Variants in ZNF566 observed in about 807,000 individuals in gnomAD.
The protein encoded by ZNF566 is zinc finger protein 566.
ZNF566 carries 27 observed loss-of-function variants against 32.8 expected under a neutral mutation model. The ratio of observed to expected loss-of-function variants is 0.82; its 90% confidence interval spans 0.61 to 1.14. ZNF566 has a LOEUF of 1.14. Among genes scored for constraint, ZNF566 ranks in the 50% most tolerant of loss-of-function variants. The pLI is 0.00. For missense variants in ZNF566, 402 were observed against 490.4 expected (o/e 0.82, Z 1.70); for synonymous variants, 154 against 159.5 (o/e 0.97, Z 0.26).
intron 1 of ZNF566, among the ~76,000 whole-genome samples, chr19:36,477,809 C>CA (rs1348121469): frequency 2.6e-5 from 4 of 151,998 alleles, no homozygotes; most frequent in Non-Finnish European, 5.9e-5. Context: ...ACACCACACC[C>CA]AGCCTTGTGT....
At chr19:36,451,999 T>A (rs1010081923) in intron 4 of ZNF566, among the ~76,000 whole-genome samples, 1 of 150,310 alleles carries the variant, frequency 6.7e-6, no homozygotes, top group Non-Finnish European at 1.5e-5. Flanking sequence ...AGAGCGAGAC[T>A]CCATCTCAAA....
At chr19:36,458,368 A>C (rs2145651996) in intron 4 of ZNF566, among the ~76,000 whole-genome samples, 1 of 152,310 alleles carries the variant, frequency 6.6e-6, no homozygotes, top group African/African-American at 2.4e-5. Context: ...ACATAGATGA[A>C]GCTGGAGGAC....
Position 36,476,563 on chromosome 19 carries a change from T to C in ZNF566, c.-6A>G, listed in dbSNP as rs1320469048. 1.2e-6 allele frequency: 2 copies of C among 1,613,480 alleles called. No homozygotes were observed. The highest frequency in any genetic ancestry group is 1.7e-5 in the Admixed American group (1 of 59,960). On this transcript the variant is annotated 5_prime_UTR_variant, in exon 2 of 5. Transcript: ENST00000452939. ...CAGTATCTCACCTGAGCCATGGCTC[T>C]GATATTTGTAGAAAAGGACCTTCTC... is the stretch of plus-strand genomic sequence containing the variant.
intron 4 of ZNF566, among the ~76,000 whole-genome samples, chr19:36,453,354 TCC>T (rs996714396): frequency 6.6e-6 from 1 of 150,862 alleles, no homozygotes; most frequent in Non-Finnish European, 1.5e-5. Flanking sequence ...ACGCCTGTAC[TCC>T]CGGCTACTCA....
Position 36,445,125 on chromosome 19 carries a change from T to G in ZNF566, c.*3852A>C, listed in dbSNP as rs1176591595. 6.6e-6 allele frequency: 1 copy of G among 152,136 alleles called. No individual in the cohort carries two copies. The highest frequency in any genetic ancestry group is 1.5e-5 in the Non-Finnish European group (1 of 68,028). The allele number at this position is 152,136 out of a possible 1,614,324, so 9.4% of individuals were successfully genotyped here. On this transcript the variant is annotated 3_prime_UTR_variant, in exon 5 of 5. Transcript: ENST00000452939. ...AAAATAAATGAGTCAAAAATTCTCA[T>G]GAAGAAACATCTTTATTTCCAAATA... is the stretch of plus-strand genomic sequence containing the variant.
At position 36,449,170 on chromosome 19, in the gene ZNF566, G is replaced by A; in HGVS notation, c.1064C>T (p.Thr355Ile). Residue 355 changes from threonine (T) to isoleucine (I), a missense_variant, in exon 5 of 5, where the codon ACT (threonine) becomes ATT (isoleucine). By Grantham distance (89) the Thr-to-Ile change is moderately conservative (BLOSUM62 -1). Transcript: ENST00000452939. ...CCCAGTATGAATTCTCTGATGTCTA[G>A]TAAGGTCTGAGCCAGAACGAAAAGC... Reference protein sequence around the residue: ...EKAFRSGSDLTRHQRIHTGEK... With the variant: ...EKAFRSGSDLIRHQRIHTGEK... The A allele has an allele frequency of 6.2e-7, 1 of 1,614,072 alleles. No homozygotes were observed.
chr19:36,473,242 T>G, intron 3 of ZNF566, 90 bp downstream of exon 3: 2 of 1,488,096 alleles, frequency 1.3e-6, no homozygotes, highest in East Asian at 4.5e-5. Context: ...AAAATTCGAC[T>G]GGTTTTTGAA....
intron 1 of ZNF566, among the ~76,000 whole-genome samples, chr19:36,484,525 C>T (rs2034107588): frequency 6.7e-6 from 1 of 149,650 alleles, no homozygotes; most frequent in South Asian, 2.1e-4. Flanking sequence ...TAAAAATTAT[C>T]AATGAATGTT....
At chr19:36,487,089 C>CAA (rs930555456) in intron 1 of ZNF566, among the ~76,000 whole-genome samples, 6,719 of 46,344 alleles carry the variant, frequency 0.14, 370 homozygotes, top group Non-Finnish European at 0.22. Flanking sequence ...GACTCCGTCT[C>CAA]AAAAAAAAAA....
chr19:36,466,483 TG>T (rs1190645728), intron 4 of ZNF566, among the ~76,000 whole-genome samples: 1 of 152,182 alleles, frequency 6.6e-6, no homozygotes, highest in Non-Finnish European at 1.5e-5. Flanking sequence ...GTTGAGTCTG[TG>T]GATGCAGAAT....
At chr19:36,486,671 CAAAAA>C (rs759281599) in intron 1 of ZNF566, among the ~76,000 whole-genome samples, 1 of 80,938 alleles carries the variant, frequency 1.2e-5, no homozygotes, top group Admixed American at 1.4e-4. Context: ...AACTCTGTCT[CAAAAA>C]AAAAAAAAAA....
Position 36,447,531 on chromosome 19 carries a change from TA to T in ZNF566, c.*1445del, listed in dbSNP as rs1266687855. 6.6e-6 allele frequency: 1 copy of T among 152,196 alleles called. No individual in the cohort carries two copies. The allele number at this position is 152,196 out of a possible 1,614,324, so 9.4% of individuals were successfully genotyped here. On this transcript the variant is annotated 3_prime_UTR_variant, in exon 5 of 5. Transcript: ENST00000452939. The stretch of plus-strand genomic sequence containing the variant: ...ATTTTGTTTAAATTTTCAAACATAT[TA>T]GAAAAAAGCATAATATTCAACAGAA...
At position 36,449,326 on chromosome 19, in the gene ZNF566, C is replaced by A. The variant is rs2033080163; in HGVS notation, c.908G>T (p.Arg303Ile). The A allele has an allele frequency of 6.2e-7, 1 of 1,613,964 alleles. No individual in the cohort carries two copies. Among genetic ancestry groups the A allele is most frequent in the Non-Finnish European group, 8.5e-7 (1 of 1,180,006 alleles). Reference sequence around the variant, plus strand: ...ATAGGGTTTTTCCCCAGTATGAATTCTCTGATGTTGAGTAAAGTTTGAGCC... The same window carrying A: ...ATAGGGTTTTTCCCCAGTATGAATTATCTGATGTTGAGTAAAGTTTGAGCC... ...SSGSNFTQHQ[R>I]IHTGEKPYEC... is the part of the protein sequence containing the mutation. The change falls in exon 5 of 5, where the codon AGA (arginine) becomes ATA (isoleucine). Residue 303 changes from arginine to isoleucine, a missense_variant. Arg to Ile is a moderately conservative substitution (Grantham distance 97, BLOSUM62 -3). Coordinates refer to ENST00000452939, the MANE Select transcript of ZNF566 (RefSeq NM_001145344.1).
In ZNF566 at chr19:36,448,381, T is replaced by G. The variant is rs1041279770; in HGVS notation, c.*596A>C. On this transcript the variant is annotated 3_prime_UTR_variant, in exon 5 of 5. Transcript: ENST00000452939. ...ATTACAGTAACACAACAAAACACCA[T>G]GAAGATAATGAAGAATCTCTATTGA... is the stretch of plus-strand genomic sequence containing the variant. 6.6e-6 allele frequency: 1 copy of G among 152,042 alleles called. No homozygotes were observed. The highest frequency in any genetic ancestry group is 1.9e-4 in the East Asian group (1 of 5,186). The allele number at this position is 152,042 out of a possible 1,614,324, so 9.4% of individuals were successfully genotyped here. A position where few individuals can be genotyped will look rare whatever the true frequency, so the allele number is the denominator to read the frequency against.
chr19:36,461,285 CAT>C (rs1342914701), intron 4 of ZNF566, among the ~76,000 whole-genome samples: 2 of 152,182 alleles, frequency 1.3e-5, no homozygotes, highest in African/African-American at 2.4e-5. Flanking sequence ...CAAACACAAA[CAT>C]GTGTAGGATA....
At chr19:36,465,638 A>C (rs1224669290) in intron 4 of ZNF566, among the ~76,000 whole-genome samples, 1 of 151,166 alleles carries the variant, frequency 6.6e-6, no homozygotes, top group Admixed American at 6.6e-5. Context: ...TGCCCGGCCA[A>C]TTTTTTTTGT....
At chr19:36,476,306 G>GA (rs74174412) in intron 2 of ZNF566, 36,203 of 222,894 alleles carry the variant, frequency 0.16, 764 homozygotes, top group South Asian at 0.18. Flanking sequence ...ACTCCATCTC[G>GA]AAAAAAAAAA....
chr19:36,456,775 T>A (rs887784029), intron 4 of ZNF566, among the ~76,000 whole-genome samples: 10 of 152,054 alleles, frequency 6.6e-5, no homozygotes, highest in Non-Finnish European at 1.3e-4. Context: ...ATATTCTGCA[T>A]TCATAAATGG....
chr19:36,450,319 A>T (rs1294150953), intron 4 of ZNF566, among the ~76,000 whole-genome samples: 1 of 152,166 alleles, frequency 6.6e-6, no homozygotes, highest in Non-Finnish European at 1.5e-5. Flanking sequence ...ATACACACAG[A>T]CATATAATAG....
Sources: allele counts gnomAD v4.1 joint callset (sites outside exome capture counted in the v4.1 genomes callset), GRCh38; gene constraint gnomAD v4.1.1; transcripts MANE v1.5; gene names NCBI Gene and HGNC (gene_info 2026-07-23, HGNC 2026-07-21).